ZC3HAV1: variants seen among roughly 807,000 people sequenced by gnomAD.
ZC3HAV1 encodes the protein zinc finger CCCH-type containing, antiviral 1.
Under a neutral mutation model 86.6 loss-of-function variants are expected in ZC3HAV1, and 41 were observed. That is an observed-to-expected ratio of 0.47 (90% CI 0.37 to 0.61). The LOEUF (loss-of-function observed/expected upper bound fraction) is 0.61. Ranked by LOEUF, ZC3HAV1 falls within the 20% of genes least tolerant of loss-of-function variation. The pLI is 0.00. For synonymous variants in ZC3HAV1, 421 were observed against 432.1 expected (o/e 0.97, Z 0.32); for missense variants, 964 against 1,141.1 (o/e 0.84, Z 2.24).
rs771745880 is a variant in ZC3HAV1 at position 139,109,094 on chromosome 7, T to C, written c.238A>G (p.Arg80Gly). The C allele has an allele frequency of 3.1e-6, 5 of 1,595,534 alleles. No individual in the cohort carries two copies. The highest frequency in any genetic ancestry group is 4.3e-6 in the Non-Finnish European group (5 of 1,170,702). Residue 80 changes from arginine (R) to glycine (G), a missense_variant, in exon 1 of 13, where the codon AGA (arginine) becomes GGA (glycine). Physicochemically the swap from Arg to Gly is moderately radical, Grantham distance 125 (BLOSUM62 -2). Transcript: ENST00000242351. ...ARVCRRKYCQ[R>G]PCDNLHLCKL... ...CAGAGATGCAGGTTATCGCAGGGTC[T>C]CTGGCAGTACTTGCGACGGCAGACC...
chr7:139,097,428 A>ATATATATATTTTT, intron 1 of ZC3HAV1, among the ~76,000 whole-genome samples: 1 of 48,160 alleles, frequency 2.1e-5, no homozygotes, highest in African/African-American at 1.1e-4. Context: ...ATATATATAT[A>ATATATATATTTTT]TTTTTTTTTT....
At chr7:139,057,598 G>C (rs1816324252) in intron 9 of ZC3HAV1, among the ~76,000 whole-genome samples, 1 of 21,060 alleles carries the variant, frequency 4.7e-5, no homozygotes. Flanking sequence ...GAGTGCAGTG[G>C]CGCGATCTCG....
At chr7:139,091,258 G>A (rs549438901) in intron 1 of ZC3HAV1, among the ~76,000 whole-genome samples, 1 of 152,146 alleles carries the variant, frequency 6.6e-6, no homozygotes, top group Admixed American at 6.5e-5. Context: ...CCAGCACTTC[G>A]GGAGGCCGAG....
At chr7:139,064,223 C>T (rs988310804) in intron 8 of ZC3HAV1, among the ~76,000 whole-genome samples, 2 of 152,218 alleles carry the variant, frequency 1.3e-5, no homozygotes, top group East Asian at 3.8e-4. Flanking sequence ...TTTACCTCTT[C>T]CAAAGCACCT....
intron 1 of ZC3HAV1, among the ~76,000 whole-genome samples, chr7:139,092,888 C>CTGCA (rs1256027979): frequency 6.6e-6 from 1 of 152,216 alleles, no homozygotes; most frequent in African/African-American, 2.4e-5. Flanking sequence ...TTGGTCTGAC[C>CTGCA]TGCAGCCCCT....
intron 3 of ZC3HAV1, 115 bp from the exon 4 acceptor site, chr7:139,080,358 T>C: frequency 7.8e-7 from 1 of 1,278,664 alleles, no homozygotes; most frequent in South Asian, 1.4e-5. Flanking sequence ...CCAAGTGCTA[T>C]CAAATTACTT....
At chr7:139,083,689 T>C in intron 3 of ZC3HAV1, 91 bp downstream of exon 3, 1 of 1,460,398 alleles carries the variant, frequency 6.8e-7, no homozygotes, top group Middle Eastern at 2.1e-4. Flanking sequence ...ATCACGCCAC[T>C]GTACTCCAGC....
intron 4 of ZC3HAV1, chr7:139,079,060 G>A (rs953889922): frequency 7.2e-6 from 11 of 1,532,312 alleles, no homozygotes; most frequent in Non-Finnish European, 7.0e-6. Flanking sequence ...CCACTCTGCT[G>A]CAGACTCAAG....
At chr7:139,102,005 A>T (rs1030485556) in intron 1 of ZC3HAV1, among the ~76,000 whole-genome samples, 1 of 70,814 alleles carries the variant, frequency 1.4e-5, no homozygotes, top group African/African-American at 1.0e-4. Context: ...AATGATCAAT[A>T]AAAAAAAAAA....
intron 9 of ZC3HAV1, among the ~76,000 whole-genome samples, chr7:139,055,849 A>G (rs2130668780): frequency 6.6e-6 from 1 of 152,378 alleles, no homozygotes; most frequent in East Asian, 1.9e-4. Flanking sequence ...GCAATACTTA[A>G]TGACATCATG....
intron 3 of ZC3HAV1, 69 bp from the exon 4 acceptor site, chr7:139,080,312 C>T: frequency 1.3e-6 from 2 of 1,570,054 alleles, no homozygotes; most frequent in African/African-American, 1.4e-5. Context: ...GAGTTCCTAC[C>T]ACCCTTCCTC....
chr7:139,068,889 G>A (rs1379595371), intron 7 of ZC3HAV1, among the ~76,000 whole-genome samples: 3 of 152,198 alleles, frequency 2.0e-5, no homozygotes, highest in Non-Finnish European at 2.9e-5. Flanking sequence ...ACAGGACAGC[G>A]GGAGCATGCC....
chr7:139,080,906 A>C (rs1817109302), intron 3 of ZC3HAV1, among the ~76,000 whole-genome samples: 1 of 152,198 alleles, frequency 6.6e-6, no homozygotes. Context: ...CAAAGAAACC[A>C]ACAGAAAATG....
At chr7:139,092,140 G>A (rs1817455315) in intron 1 of ZC3HAV1, among the ~76,000 whole-genome samples, 1 of 151,486 alleles carries the variant, frequency 6.6e-6, no homozygotes, top group Admixed American at 6.6e-5. Context: ...CTATTACAAG[G>A]TGATAGATGC....
At chr7:139,065,628 G>T (rs564518633) in intron 7 of ZC3HAV1, among the ~76,000 whole-genome samples, 1 of 152,142 alleles carries the variant, frequency 6.6e-6, no homozygotes, top group Non-Finnish European at 1.5e-5. Context: ...TGAGGTGGCC[G>T]GGTGCAGTGG....
Position 139,047,569 on chromosome 7 carries a change from C to G in ZC3HAV1, c.*25G>C, listed in dbSNP as rs1188794258. 6 of 1,613,084 alleles carry G rather than the reference C, an allele frequency of 3.7e-6. No homozygotes were observed. The highest frequency in any genetic ancestry group is 1.1e-5 in the South Asian group (1 of 90,712). ...TAAAGGAACAGAATGGTTATGGCAT[C>G]CTTCTGACGCTGTATTCATCGGTTC... On this transcript the variant is annotated 3_prime_UTR_variant, in exon 13 of 13. Coordinates refer to ENST00000242351, the MANE Select transcript of ZC3HAV1 (RefSeq NM_020119.4).
At chr7:139,105,039 A>G (rs1267086951) in intron 1 of ZC3HAV1, among the ~76,000 whole-genome samples, 5 of 149,490 alleles carry the variant, frequency 3.3e-5, no homozygotes. Flanking sequence ...TCTCAAAAAA[A>G]AAAAAAAAAA....
chr7:139,069,636 T>A (rs573040807), intron 7 of ZC3HAV1, among the ~76,000 whole-genome samples: 1 of 152,274 alleles, frequency 6.6e-6, no homozygotes, highest in African/African-American at 2.4e-5. Context: ...CTTCTCCTAA[T>A]ACCACACCCT....
At chr7:139,105,032 CAA>C (rs34053904) in intron 1 of ZC3HAV1, among the ~76,000 whole-genome samples, 20,668 of 72,120 alleles carry the variant, frequency 0.29, 1,165 homozygotes, top group East Asian at 0.46. Context: ...GACTCTGTCT[CAA>C]AAAAAAAAAA....
Sources: gnomAD v4.1 joint callset for allele counts (sites outside exome capture counted in the v4.1 genomes callset) on GRCh38, gnomAD v4.1.1 for gene constraint, MANE v1.5 for transcripts, NCBI Gene and HGNC (gene_info 2026-07-23, HGNC 2026-07-21) for gene names.